TBC1D20: variants seen among roughly 807,000 people sequenced by gnomAD.
The protein encoded by TBC1D20 is chromosome 20 open reading frame 140.
Under a neutral mutation model 41.6 loss-of-function variants are expected in TBC1D20, and 12 were observed. That is an observed-to-expected ratio of 0.29 (90% CI 0.18 to 0.47). The LOEUF (loss-of-function observed/expected upper bound fraction) is 0.47, where lower values mean the gene tolerates loss of function less well. Among genes scored for constraint, TBC1D20 ranks in the 20% least tolerant of loss-of-function variants. The pLI, the probability that TBC1D20 is intolerant of heterozygous loss-of-function variation, is 1.00. For synonymous variants in TBC1D20, 205 were observed against 204.8 expected (o/e 1.00, Z -0.01); for missense variants, 421 against 517.4 (o/e 0.81, Z 1.81).
chr20:454,891 C>T (rs1382932210), intron 1 of TBC1D20, among the ~76,000 whole-genome samples: 4 of 152,076 alleles, frequency 2.6e-5, no homozygotes, highest in African/African-American at 7.2e-5. Context: ...AGGCTGGTCT[C>T]GAACTCCTGA....
intron 7 of TBC1D20, 68 bp from the exon 8 acceptor site, chr20:438,909 C>A: frequency 1.9e-6 from 3 of 1,580,106 alleles, no homozygotes; most frequent in Non-Finnish European, 2.6e-6. Context: ...AACTACACCA[C>A]ATAGGCTGCG....
chr20:442,879 C>T lies in TBC1D20; in HGVS notation c.338-836G>A, dbSNP rs189637193. 1.4e-3 allele frequency among the ~76,000 whole-genome samples: 217 copies of T among 152,202 alleles called. 1 individual carries two copies. The highest frequency in any genetic ancestry group is 4.9e-3 in the African/African-American group (203 of 41,534). ...TTGGGAGGCAGAGGCAGGTGGATCA[C>T]GAGGTCAGGAGATCGAGACCATCCT... On this transcript the variant is annotated intron_variant, in intron 3 of 7. Coordinates refer to ENST00000354200, the MANE Select transcript of TBC1D20 (RefSeq NM_144628.4).
chr20:455,257 C>A (rs1242880810), intron 1 of TBC1D20, among the ~76,000 whole-genome samples: 1 of 152,180 alleles, frequency 6.6e-6, no homozygotes, highest in East Asian at 1.9e-4. Context: ...ACAGCAAACC[C>A]TTTCTGCTCC....
intron 2 of TBC1D20, among the ~76,000 whole-genome samples, chr20:446,143 G>T (rs1359462174): frequency 6.6e-6 from 1 of 152,252 alleles, no homozygotes; most frequent in East Asian, 1.9e-4. Context: ...TGCCATGATG[G>T]CAGGAAAGCT....
chr20:445,119 G>T lies in TBC1D20; in HGVS notation c.268C>A (p.Arg90=). Residue 90 remains arginine (R), a synonymous_variant, in exon 3 of 8, where the codon CGG becomes AGG. Transcript: ENST00000354200. Reference sequence around the variant, plus strand: ...TGTTGGTAGTCCTTGCTCATCTGCCGTAGGTTCTTCCCTATTGAAGGAAAA... The same window carrying T: ...TGTTGGTAGTCCTTGCTCATCTGCCTTAGGTTCTTCCCTATTGAAGGAAAA... ...DPPPISGKNL[R]QMSKDYQQVL... 1 of 1,597,086 alleles carries T rather than the reference G, an allele frequency of 6.3e-7. No homozygotes were observed.
intron 1 of TBC1D20, among the ~76,000 whole-genome samples, chr20:457,161 C>T (rs965589127): frequency 2.0e-4 from 31 of 152,042 alleles, no homozygotes; most frequent in Non-Finnish European, 4.4e-4. Context: ...GTCTCGAACT[C>T]CCCACCTCAG....
chr20:461,919 GA>G (rs2017637721), intron 1 of TBC1D20, among the ~76,000 whole-genome samples: 2 of 152,268 alleles, frequency 1.3e-5, no homozygotes, highest in Non-Finnish European at 2.9e-5. Context: ...TCAAGCCGGC[GA>G]CGGTGAATGC....
exon 1 of TBC1D20, chr20:462,526 CGGCGCGCA>C (rs1053658528): frequency 4.5e-5 from 22 of 487,028 alleles, no homozygotes; most frequent in East Asian, 3.0e-4. Flanking sequence ...CGTCGGCCAG[CGGCGCGCA>C]GGCGCGCAGG....
intron 7 of TBC1D20, 129 bp downstream of exon 7, chr20:438,979 G>T: frequency 1.4e-6 from 2 of 1,452,134 alleles, no homozygotes; most frequent in Non-Finnish European, 1.9e-6. Flanking sequence ...GTCTACAGTG[G>T]GGATTCCACT....
Position 441,871 on chromosome 20 carries a change from A to T in TBC1D20, c.510T>A (p.Ser170=). Residue 170 remains serine, a synonymous_variant, in exon 4 of 8, where the codon TCT becomes TCA. Coordinates refer to ENST00000354200, the MANE Select transcript of TBC1D20 (RefSeq NM_144628.4). ...TCTACTGGTACCTGAGGTGGTGGGT[A>T]GATAATTTTTCTACCAGGGATGTTG... ...RLATSLVEKL[S]THHLRDFMDP... The T allele has an allele frequency of 6.2e-7, 1 of 1,613,926 alleles. No individual in the cohort carries two copies. The highest frequency in any genetic ancestry group is 8.5e-7 in the Non-Finnish European group (1 of 1,179,884).
At chr20:452,439 G>A (rs923198549) in intron 1 of TBC1D20, among the ~76,000 whole-genome samples, 3 of 152,158 alleles carry the variant, frequency 2.0e-5, no homozygotes, top group African/African-American at 7.2e-5. Context: ...GAACAGCCTG[G>A]GCAACAAAGT....
chr20:452,465 C>T (rs549500257), intron 1 of TBC1D20, among the ~76,000 whole-genome samples: 1 of 152,174 alleles, frequency 6.6e-6, no homozygotes, highest in South Asian at 2.1e-4. Flanking sequence ...CCTGTCTCTA[C>T]AAAAAGTACG....
At chr20:440,630 C>T in intron 5 of TBC1D20, 1 of 432,260 alleles carries the variant, frequency 2.3e-6, no homozygotes, top group East Asian at 4.0e-5. Context: ...CGCCTACTGG[C>T]CAACAAATGT....
At chr20:458,501 T>C (rs1197528464) in intron 1 of TBC1D20, among the ~76,000 whole-genome samples, 1 of 151,830 alleles carries the variant, frequency 6.6e-6, no homozygotes, top group Non-Finnish European at 1.5e-5. Context: ...ATATATTTTG[T>C]AGAGAAAAAA....
intron 1 of TBC1D20, among the ~76,000 whole-genome samples, chr20:453,179 A>C (rs1404195900): frequency 5.9e-4 from 85 of 143,858 alleles, no homozygotes; most frequent in Non-Finnish European, 1.1e-3. Context: ...AAAAAAAAAA[A>C]AAAAAAAAAC....
intron 1 of TBC1D20, among the ~76,000 whole-genome samples, chr20:456,506 A>C (rs1426533697): frequency 6.6e-6 from 1 of 152,220 alleles, no homozygotes; most frequent in East Asian, 1.9e-4. Flanking sequence ...ACAAACAATT[A>C]TTATATATAA....
intron 4 of TBC1D20, 45 bp downstream of exon 4, chr20:441,812 G>A (rs777294033): frequency 6.3e-7 from 1 of 1,597,950 alleles, no homozygotes; most frequent in South Asian, 1.1e-5. Context: ...CCCCAGGACG[G>A]CTGAGGAGTG....
At chr20:438,930 T>C (rs2017172925) in intron 7 of TBC1D20, 89 bp from the exon 8 acceptor site, 1 of 1,536,706 alleles carries the variant, frequency 6.5e-7, no homozygotes, top group Non-Finnish European at 8.8e-7. Context: ...GGCAGAGCCT[T>C]TCATTGCTGG....
At chr20:453,696 C>T (rs1423431760) in intron 1 of TBC1D20, among the ~76,000 whole-genome samples, 2 of 145,640 alleles carry the variant, frequency 1.4e-5, no homozygotes, top group Non-Finnish European at 3.0e-5. Context: ...CGGGCACGTG[C>T]CACCATGCCT....
Sources: allele counts gnomAD v4.1 joint callset (sites outside exome capture counted in the v4.1 genomes callset), GRCh38; gene constraint gnomAD v4.1.1; transcripts MANE v1.5; gene names NCBI Gene and HGNC (gene_info 2026-07-23, HGNC 2026-07-21).